MBTD1: variants seen among roughly 807,000 people sequenced by gnomAD.
MBTD1 encodes mbt domain containing 1.
MBTD1 carries 24 observed loss-of-function variants against 87.8 expected under a neutral mutation model. The observed-to-expected ratio is 0.27, with a 90% CI of 0.20 to 0.38. MBTD1 has a LOEUF of 0.38. Among genes scored for constraint, MBTD1 ranks in the 10% least tolerant of loss-of-function variants. MBTD1 has a pLI of 1.00. For synonymous variants in MBTD1, 237 were observed against 248.6 expected (o/e 0.95, Z 0.44); for missense variants, 436 against 760.2 (o/e 0.57, Z 5.02).
chr17:51,260,286 T>A, upstream of MBTD1: 2 of 502,658 alleles, frequency 4.0e-6, no homozygotes, highest in Non-Finnish European at 7.0e-6. Flanking sequence ...AGTCGGGGTT[T>A]CTTGCGCTCC....
chr17:51,219,293 T>TA (rs1208075516), intron 4 of MBTD1, among the ~76,000 whole-genome samples: 1 of 152,192 alleles, frequency 6.6e-6, no homozygotes, highest in East Asian at 1.9e-4. Flanking sequence ...AATATGTTAA[T>TA]AAAAAATTAT....
chr17:51,227,145 G>A (rs574272171), intron 2 of MBTD1, among the ~76,000 whole-genome samples: 23 of 151,078 alleles, frequency 1.5e-4, no homozygotes, highest in Admixed American at 4.0e-4. Flanking sequence ...GGGAGGATGA[G>A]GCAGGAGAAT....
intron 13 of MBTD1, among the ~76,000 whole-genome samples, chr17:51,194,439 G>A (rs1380965593): frequency 1.3e-5 from 2 of 151,864 alleles, no homozygotes; most frequent in South Asian, 2.1e-4. Context: ...GCGTGGTGGT[G>A]CACACCTGTA....
At position 51,200,864 on chromosome 17, in the gene MBTD1, TA is replaced by T. The variant is rs555894570; in HGVS notation, c.1224+727del. On this transcript the variant is annotated intron_variant, in intron 12 of 16. Transcript: ENST00000586178. ...GGATGACAGAGTGAGACCATGTCTT[TA>T]AAAAAAAAAAAAATGCTGGGTGCCG... 3.2e-3 allele frequency among the ~76,000 whole-genome samples: 437 copies of T among 137,668 alleles called. 1 individual carries two copies. Among genetic ancestry groups the T allele is most frequent in the Middle Eastern group, 8.0e-3 (2 of 250 alleles). 90.3% of individuals were successfully genotyped at this position (137,668 alleles called of 152,430 possible).
intron 16 of MBTD1, among the ~76,000 whole-genome samples, chr17:51,190,804 T>G (rs2050772728): frequency 4.0e-5 from 5 of 126,102 alleles, no homozygotes; most frequent in African/African-American, 6.3e-5. Context: ...AATATGGCCA[T>G]GTGTGGTGGC....
At chr17:51,182,651 C>A (rs2050368649) in intron 16 of MBTD1, among the ~76,000 whole-genome samples, 1 of 152,186 alleles carries the variant, frequency 6.6e-6, no homozygotes, top group African/African-American at 2.4e-5. Flanking sequence ...ACAATACTCA[C>A]ACAGGTAACC....
chr17:51,193,946 A>G (rs1486546948), intron 13 of MBTD1, among the ~76,000 whole-genome samples: 1 of 152,082 alleles, frequency 6.6e-6, no homozygotes, highest in Non-Finnish European at 1.5e-5. Flanking sequence ...GCTGAGTGCA[A>G]TAATTCCTCC....
At chr17:51,227,867 G>A (rs931939813) in intron 2 of MBTD1, among the ~76,000 whole-genome samples, 7 of 151,274 alleles carry the variant, frequency 4.6e-5, no homozygotes, top group East Asian at 3.9e-4. Flanking sequence ...CACGAGAATC[G>A]CTTGAACCCA....
rs1339834664 is a variant in MBTD1 at position 51,179,521 on chromosome 17, TA to T, written c.*1054del. The T allele has an allele frequency of 0.012, 1,315 of 107,132 alleles. 134 individuals are homozygous for T. The highest frequency in any genetic ancestry group is 0.043 in the African/African-American group (1,220 of 28,522). The allele number at this position is 107,132 out of a possible 1,614,324, so 6.6% of individuals were successfully genotyped here. A position where few individuals can be genotyped will look rare whatever the true frequency, so the allele number is the denominator to read the frequency against. ...ATATATATATATATATATATATATA[TA>T]TATATATATATATATGGAATTTTAA... On this transcript the variant is annotated 3_prime_UTR_variant, in exon 17 of 17. Coordinates refer to ENST00000586178, the MANE Select transcript of MBTD1 (RefSeq NM_017643.3).
At chr17:51,230,550 T>A (rs1179435462) in intron 2 of MBTD1, among the ~76,000 whole-genome samples, 2 of 152,140 alleles carry the variant, frequency 1.3e-5, no homozygotes, top group African/African-American at 4.8e-5. Flanking sequence ...GGCGATTAGC[T>A]GAGATTCAGC....
At chr17:51,213,979 T>C (rs1292652612) in intron 6 of MBTD1, among the ~76,000 whole-genome samples, 1 of 151,944 alleles carries the variant, frequency 6.6e-6, no homozygotes, top group East Asian at 1.9e-4. Context: ...AACTAACCCC[T>C]AGATACAATA....
chr17:51,234,645 G>A (rs1175155802), intron 2 of MBTD1, among the ~76,000 whole-genome samples: 6 of 152,104 alleles, frequency 3.9e-5, no homozygotes, highest in Non-Finnish European at 5.9e-5. Context: ...GGCTCAAATG[G>A]CTTTACTGGG....
chr17:51,237,572 GA>G (rs2053921284), intron 2 of MBTD1, among the ~76,000 whole-genome samples: 1 of 152,134 alleles, frequency 6.6e-6, no homozygotes, highest in Admixed American at 6.5e-5. Context: ...AACATGAAAA[GA>G]TGCTCAACAT....
At chr17:51,184,229 C>T (rs1309137672) in intron 16 of MBTD1, 1 of 152,162 alleles carries the variant, frequency 6.6e-6, no homozygotes, top group East Asian at 1.9e-4. Flanking sequence ...TTCTCCTTTC[C>T]AGGCCTTCTC....
At chr17:51,224,329 A>G (rs1200622686) in intron 3 of MBTD1, among the ~76,000 whole-genome samples, 1 of 152,252 alleles carries the variant, frequency 6.6e-6, no homozygotes, top group African/African-American at 2.4e-5. Flanking sequence ...GAGATAAACT[A>G]GAACGAAGGG....
chr17:51,201,581 T>C lies in MBTD1; in HGVS notation c.1224+11A>G, dbSNP rs373714055. ...AATTGCATTTCTATATTTTAAAACCTATTATCTTACCTTTCTAATGGTTGC... is the reference window on the plus strand; with the variant it reads ...AATTGCATTTCTATATTTTAAAACCCATTATCTTACCTTTCTAATGGTTGC... On this transcript the variant is annotated intron_variant, in intron 12 of 16. Coordinates refer to ENST00000586178, the MANE Select transcript of MBTD1 (RefSeq NM_017643.3). 26 of 1,529,678 alleles carry C rather than the reference T, an allele frequency of 1.7e-5. No homozygotes were observed. The African/African-American group carries it at 3.0e-4, about 18-fold the overall frequency. The allele number at this position is 1,529,678 out of a possible 1,614,324, so 94.8% of individuals were successfully genotyped here.
chr17:51,216,139 C>T (rs1039518900), intron 6 of MBTD1, among the ~76,000 whole-genome samples: 1 of 152,022 alleles, frequency 6.6e-6, no homozygotes, highest in African/African-American at 2.4e-5. Context: ...ACCATGTTGG[C>T]CAGGCTGGTC....
intron 16 of MBTD1, among the ~76,000 whole-genome samples, chr17:51,189,593 G>A (rs1445099821): frequency 6.6e-6 from 1 of 152,088 alleles, no homozygotes; most frequent in Non-Finnish European, 1.5e-5. Flanking sequence ...CGCTGAGGGA[G>A]GCAAATGAAT....
intron 16 of MBTD1, among the ~76,000 whole-genome samples, chr17:51,189,837 T>C (rs931226110): frequency 1.3e-5 from 2 of 152,212 alleles, no homozygotes; most frequent in African/African-American, 2.4e-5. Context: ...TTGCTACTCA[T>C]TTAGATACAT....
Sources: allele counts gnomAD v4.1 joint callset (sites outside exome capture counted in the v4.1 genomes callset), GRCh38; gene constraint gnomAD v4.1.1; transcripts MANE v1.5; gene names NCBI Gene and HGNC (gene_info 2026-07-23, HGNC 2026-07-21).